Variants in ACTR3C observed in about 807,000 individuals in gnomAD.
ACTR3C encodes actin-related protein 3C.
In ACTR3C, 18 loss-of-function variants were observed where a neutral mutation model predicts 26.3. That is an observed-to-expected ratio of 0.68 (90% CI 0.47 to 1.01). The LOEUF is 1.01. Ranked by LOEUF, ACTR3C falls within the 50% of genes least tolerant of loss-of-function variation. The pLI is 0.00. For missense variants in ACTR3C, 184 were observed against 250.7 expected, an observed-to-expected ratio of 0.73 and a Z score of 1.80; for synonymous variants, 55 against 94.5, an observed-to-expected ratio of 0.58 and a Z score of 2.42.
the ACTR3C span, among the ~76,000 whole-genome samples, chr7:149,962,733 G>A: frequency 6.6e-6 from 1 of 152,156 alleles, no homozygotes; most frequent in Non-Finnish European, 1.5e-5. Context: ...CTGGAAAGAT[G>A]AGTCTCAGCA....
chr7:149,967,891 C>T, the ACTR3C span, among the ~76,000 whole-genome samples: 8 of 150,838 alleles, frequency 5.3e-5, no homozygotes, highest in South Asian at 2.1e-4. Context: ...GGGGGTGTGT[C>T]GGGGGGTGGC....
downstream of ACTR3C, among the ~76,000 whole-genome samples, chr7:150,241,674 A>G (rs1480861216): frequency 6.6e-6 from 1 of 152,162 alleles, no homozygotes; most frequent in Non-Finnish European, 1.5e-5. Context: ...CTGCTCTTCA[A>G]GAAGACAGTA....
chr7:150,277,121 T>G (rs1301682371), intron 6 of ACTR3C, among the ~76,000 whole-genome samples: 1 of 152,198 alleles, frequency 6.6e-6, no homozygotes, highest in Non-Finnish European at 1.5e-5. Context: ...GTTTCCAGCC[T>G]GCCAGCCTTC....
chr7:149,992,509 C>A, the ACTR3C span, among the ~76,000 whole-genome samples: 1 of 152,218 alleles, frequency 6.6e-6, no homozygotes, highest in African/African-American at 2.4e-5. Context: ...TTCTCCAGGT[C>A]TAGCCAAGAA....
At chr7:150,159,688 G>GACTT in the ACTR3C span, among the ~76,000 whole-genome samples, 2 of 152,130 alleles carry the variant, frequency 1.3e-5, no homozygotes, top group Non-Finnish European at 2.9e-5. Context: ...TGATTTGGGG[G>GACTT]ACTTACCCTG....
chr7:150,144,502 A>G, the ACTR3C span, among the ~76,000 whole-genome samples: 4,303 of 152,098 alleles, frequency 0.028, 173 homozygotes, highest in East Asian at 0.14. This position sits in a 1 kb window ranked among gnomAD's most constrained non-coding sequence, Gnocchi z 4.6. Flanking sequence ...ATGCATGTAA[A>G]CAATTGAATA....
the ACTR3C span, among the ~76,000 whole-genome samples, chr7:150,124,965 G>T: frequency 2.0e-5 from 3 of 152,248 alleles, no homozygotes; most frequent in South Asian, 6.2e-4. Flanking sequence ...AGTTGCCTCC[G>T]ACCTCACATT....
At chr7:149,946,012 T>C in the ACTR3C span, among the ~76,000 whole-genome samples, 34 of 152,076 alleles carry the variant, frequency 2.2e-4, no homozygotes, top group Middle Eastern at 3.2e-3. Context: ...AGGAAGAGCC[T>C]CCAGAGAGGC....
At chr7:149,988,062 G>A in the ACTR3C span, among the ~76,000 whole-genome samples, 1 of 152,204 alleles carries the variant, frequency 6.6e-6, no homozygotes, top group African/African-American at 2.4e-5. Flanking sequence ...AATTGCCCTT[G>A]GTTGGTGGTA....
At chr7:149,991,342 T>C in the ACTR3C span, among the ~76,000 whole-genome samples, 1 of 152,194 alleles carries the variant, frequency 6.6e-6, no homozygotes, top group Admixed American at 6.5e-5. Context: ...CCATATCACC[T>C]GACTACTGAC....
At chr7:150,320,158 G>A (rs1462407327) in intron 1 of ACTR3C, among the ~76,000 whole-genome samples, 1 of 152,250 alleles carries the variant, frequency 6.6e-6, no homozygotes, top group Non-Finnish European at 1.5e-5. Context: ...GACCCCAAGG[G>A]CAGGTTCTTG....
the ACTR3C span, among the ~76,000 whole-genome samples, chr7:150,128,651 C>G: frequency 6.6e-6 from 1 of 151,610 alleles, no homozygotes; most frequent in Non-Finnish European, 1.5e-5. Flanking sequence ...GGGAGTTTCT[C>G]TCATGCACGC....
At chr7:149,911,270 G>T in the ACTR3C span, among the ~76,000 whole-genome samples, 2 of 151,416 alleles carry the variant, frequency 1.3e-5, no homozygotes, top group African/African-American at 4.9e-5. Context: ...AAGCAGACCA[G>T]AAATCACTAA....
the ACTR3C span, among the ~76,000 whole-genome samples, chr7:150,133,769 G>T: frequency 6.6e-6 from 1 of 152,082 alleles, no homozygotes; most frequent in South Asian, 2.1e-4. Flanking sequence ...ACAGGGTCTT[G>T]CCCTGTCACT....
At chr7:149,985,542 G>A in the ACTR3C span, among the ~76,000 whole-genome samples, 1 of 152,170 alleles carries the variant, frequency 6.6e-6, no homozygotes, top group Non-Finnish European at 1.5e-5. Context: ...GGATACCAAG[G>A]CACCACAGAG....
the ACTR3C span, among the ~76,000 whole-genome samples, chr7:149,907,473 TTCTCTTCTCTCTCTC>T: frequency 2.7e-5 from 3 of 109,970 alleles, no homozygotes; most frequent in African/African-American, 9.5e-5. Context: ...CTTGCCTCTC[TTCTCTTCTCTCTCTC>T]TCTCTCTCTC....
At chr7:149,887,841 G>A in the ACTR3C span, among the ~76,000 whole-genome samples, 2 of 152,216 alleles carry the variant, frequency 1.3e-5, no homozygotes, top group South Asian at 2.1e-4. Context: ...TCTTGTGATA[G>A]TGAATACGTC....
chr7:150,036,726 C>A, the ACTR3C span, among the ~76,000 whole-genome samples: 13 of 136,468 alleles, frequency 9.5e-5, 2 homozygotes, highest in Admixed American at 9.2e-4. Flanking sequence ...GAGCTGCGTT[C>A]GGACCCGTCG....
chr7:150,299,658 C>T (rs1795270953), intron 1 of ACTR3C, among the ~76,000 whole-genome samples: 2 of 151,640 alleles, frequency 1.3e-5, no homozygotes, highest in African/African-American at 2.4e-5. Context: ...TGGTGGTGCA[C>T]GCCTGTAATC....
Sources: gnomAD v4.1 joint callset for allele counts (sites outside exome capture counted in the v4.1 genomes callset) on GRCh38, gnomAD v4.1.1 for gene constraint, Gnocchi (gnomAD v3.1) non-coding constraint, MANE v1.5 for transcripts, NCBI Gene and HGNC (gene_info 2026-07-23, HGNC 2026-07-21) for gene names.